Variants in TENM2 observed in about 807,000 individuals in gnomAD.
The protein encoded by TENM2 is teneurin transmembrane protein 2.
TENM2 carries 52 observed loss-of-function variants against 245.2 expected under a neutral mutation model. The ratio of observed to expected loss-of-function variants is 0.21; its 90% CI spans 0.17 to 0.27. TENM2 has a LOEUF of 0.27. Ranked by LOEUF, TENM2 falls within the 10% of genes least tolerant of loss-of-function variation. TENM2 has a pLI of 1.00. For missense variants in TENM2, 3,046 were observed against 3,666.8 expected, an observed-to-expected ratio of 0.83 and a Z score of 4.37; for synonymous variants, 1,363 against 1,438.9, an observed-to-expected ratio of 0.95 and a Z score of 1.19.
At chr5:167,227,131 C>T in the TENM2 span, among the ~76,000 whole-genome samples, 5 of 150,730 alleles carry the variant, frequency 3.3e-5, no homozygotes, top group East Asian at 1.9e-4. Flanking sequence ...ATTCATTCAG[C>T]GAGTCTATAT....
At chr5:168,016,805 T>C (rs1331059242) in intron 5 of TENM2, among the ~76,000 whole-genome samples, 7 of 152,244 alleles carry the variant, frequency 4.6e-5, no homozygotes. Flanking sequence ...ACTTCACCTC[T>C]CTGAAATAGT....
the TENM2 span, among the ~76,000 whole-genome samples, chr5:167,072,216 G>A: frequency 6.6e-6 from 1 of 152,146 alleles, no homozygotes; most frequent in Non-Finnish European, 1.5e-5. Context: ...CATCCAAGAC[G>A]AGAATGACTT....
intron 7 of TENM2, among the ~76,000 whole-genome samples, chr5:168,086,424 A>C (rs1350956394): frequency 6.6e-6 from 1 of 152,212 alleles, no homozygotes; most frequent in Non-Finnish European, 1.5e-5. Context: ...GATGACTCAA[A>C]GGCACAGCCT....
chr5:167,338,787 G>A (rs1307990282), intron 1 of TENM2, among the ~76,000 whole-genome samples: 1 of 152,162 alleles, frequency 6.6e-6, no homozygotes, highest in Admixed American at 6.5e-5. Context: ...TCAGATAAGG[G>A]TGCAGACATG....
At chr5:168,172,837 C>A (rs1398936175) in intron 13 of TENM2, among the ~76,000 whole-genome samples, 3 of 152,192 alleles carry the variant, frequency 2.0e-5, no homozygotes, top group Admixed American at 2.0e-4. Flanking sequence ...AGCAGCACAG[C>A]AAGAGCAGCT....
At chr5:167,060,369 A>C in the TENM2 span, among the ~76,000 whole-genome samples, 1 of 151,984 alleles carries the variant, frequency 6.6e-6, no homozygotes, top group African/African-American at 2.4e-5. Context: ...AAGCAAAAAG[A>C]AGGCCAGGCG....
chr5:167,189,289 G>A, the TENM2 span, among the ~76,000 whole-genome samples: 1 of 152,104 alleles, frequency 6.6e-6, no homozygotes, highest in Non-Finnish European at 1.5e-5. Flanking sequence ...GTTACGTAGT[G>A]TGGAAGAAAA....
At chr5:167,490,651 A>T (rs1768372510) in intron 2 of TENM2, among the ~76,000 whole-genome samples, 1 of 152,310 alleles carries the variant, frequency 6.6e-6, no homozygotes, top group Admixed American at 6.5e-5. Flanking sequence ...TTCTAAAATT[A>T]GTAGACATTA....
At chr5:167,264,434 C>T in the TENM2 span, among the ~76,000 whole-genome samples, 1 of 152,166 alleles carries the variant, frequency 6.6e-6, no homozygotes, top group African/African-American at 2.4e-5. Context: ...TTAGCTGTTA[C>T]TGCATATGGA....
chr5:167,217,943 T>A, the TENM2 span, among the ~76,000 whole-genome samples: 1 of 151,894 alleles, frequency 6.6e-6, no homozygotes, highest in East Asian at 1.9e-4. Flanking sequence ...CAGGTCTCAA[T>A]CTTCACAGTT....
intron 7 of TENM2, among the ~76,000 whole-genome samples, chr5:168,074,258 A>G (rs1038335049): frequency 6.6e-6 from 1 of 152,206 alleles, no homozygotes; most frequent in Non-Finnish European, 1.5e-5. Flanking sequence ...CTTGAAAACC[A>G]CAATTTTAGG....
At chr5:167,782,971 C>T (rs1764299737) in intron 2 of TENM2, among the ~76,000 whole-genome samples, 1 of 152,134 alleles carries the variant, frequency 6.6e-6, no homozygotes, top group African/African-American at 2.4e-5. Context: ...TTTCCTCAGC[C>T]TTATTTCTAA....
At chr5:167,142,031 G>A in the TENM2 span, among the ~76,000 whole-genome samples, 6 of 152,008 alleles carry the variant, frequency 3.9e-5, no homozygotes, top group African/African-American at 7.3e-5. Flanking sequence ...GGAGGGGGGG[G>A]ATGAAACCAT....
chr5:167,372,988 C>G (rs897614447), intron 1 of TENM2, among the ~76,000 whole-genome samples: 1 of 152,062 alleles, frequency 6.6e-6, no homozygotes, highest in African/African-American at 2.4e-5. Flanking sequence ...TAAACTGTAC[C>G]CAGGGAATAA....
intron 2 of TENM2, among the ~76,000 whole-genome samples, chr5:167,641,477 A>T (rs1779611276): frequency 6.6e-6 from 1 of 152,080 alleles, no homozygotes; most frequent in African/African-American, 2.4e-5. Flanking sequence ...CAAAAACCAC[A>T]TTTGGTTTTT....
At chr5:167,203,577 A>T in the TENM2 span, among the ~76,000 whole-genome samples, 1 of 152,168 alleles carries the variant, frequency 6.6e-6, no homozygotes, top group African/African-American at 2.4e-5. Flanking sequence ...CTGGAGCAGG[A>T]AGGAGGCAAA....
At chr5:167,237,194 G>A in the TENM2 span, among the ~76,000 whole-genome samples, 4,884 of 152,184 alleles carry the variant, frequency 0.032, 258 homozygotes, top group African/African-American at 0.11. Flanking sequence ...AAACCAGTTC[G>A]TCTCTTTTAT....
At chr5:167,519,477 G>A (rs1770614564) in intron 2 of TENM2, among the ~76,000 whole-genome samples, 2 of 152,022 alleles carry the variant, frequency 1.3e-5, no homozygotes, top group South Asian at 2.1e-4. Flanking sequence ...AATGGCATTG[G>A]TGCTTATGCC....
At chr5:167,005,655 G>GTTTT in the TENM2 span, among the ~76,000 whole-genome samples, 9 of 52,968 alleles carry the variant, frequency 1.7e-4, no homozygotes, top group Non-Finnish European at 2.2e-4. Context: ...CTGTGTGTGG[G>GTTTT]TTTTTTTTTT....
Sources: allele counts gnomAD v4.1 joint callset (sites outside exome capture counted in the v4.1 genomes callset), GRCh38; gene constraint gnomAD v4.1.1; transcripts MANE v1.5; gene names NCBI Gene and HGNC (gene_info 2026-07-23, HGNC 2026-07-21).